MAP1LC3B2: variants seen among roughly 807,000 people sequenced by gnomAD.
MAP1LC3B2 encodes the protein microtubule-associated protein 1 light chain 3 beta 2.
For missense variants in MAP1LC3B2, 155 were observed against 154.6 expected (o/e 1.00, Z -0.01); for synonymous variants, 62 against 57.8 (o/e 1.07, Z -0.33).
intron 1 of MAP1LC3B2, among the ~76,000 whole-genome samples, chr12:116,571,439 G>GGAGTAA (rs1869528390): frequency 6.9e-6 from 1 of 144,234 alleles, no homozygotes; most frequent in Non-Finnish European, 1.5e-5. Context: ...AGAATAGATG[G>GGAGTAA]GAGTAAGGGA....
At position 116,576,006 on chromosome 12, in the gene MAP1LC3B2, C is replaced by T. The variant is rs1869666443; in HGVS notation, c.64C>T (p.Leu22Phe). The T allele has an allele frequency of 1.2e-6, 2 of 1,614,200 alleles. No homozygotes were observed. The highest frequency in any genetic ancestry group is 8.5e-7 in the Non-Finnish European group (1 of 1,180,048). Residue 22 changes from leucine (L) to phenylalanine (F), a missense_variant, in exon 2 of 2, where the codon CTT becomes TTT. Leu to Phe is a conservative substitution (Grantham distance 22). Transcript: ENST00000556529. ...CGAACAAAGAGTAGAAGATGTCCGA[C>T]TTATTCGAGAGCAGCATCCAACCAA... ...TFEQRVEDVR[L>F]IREQHPTKIP...
At chr12:116,572,304 C>G (rs1048544625) in intron 1 of MAP1LC3B2, among the ~76,000 whole-genome samples, 23 of 151,798 alleles carry the variant, frequency 1.5e-4, no homozygotes, top group African/African-American at 5.3e-4. Flanking sequence ...TCCTGGTACA[C>G]TAACATTTTC....
chr12:116,562,056 T>C (rs8181674), intron 1 of MAP1LC3B2, among the ~76,000 whole-genome samples: 60,905 of 151,954 alleles, frequency 0.4, 13,860 homozygotes, highest in African/African-American at 0.59. Flanking sequence ...GATGGGAATG[T>C]GATCCAAAGT....
chr12:116,573,379 T>C (rs1225860462), intron 1 of MAP1LC3B2, among the ~76,000 whole-genome samples: 8 of 152,208 alleles, frequency 5.3e-5, no homozygotes, highest in Non-Finnish European at 1.0e-4. Flanking sequence ...CTTAGTTATA[T>C]TCTTAGCAAG....
intron 1 of MAP1LC3B2, among the ~76,000 whole-genome samples, chr12:116,574,514 C>T (rs1011186355): frequency 3.9e-4 from 59 of 152,094 alleles, no homozygotes; most frequent in South Asian, 2.1e-4. Context: ...GGTGTGGTGG[C>T]GTGCCCCTGT....
At chr12:116,560,203 T>TAC (rs1410831703) in intron 1 of MAP1LC3B2, 6 of 33,368 alleles carry the variant, frequency 1.8e-4, no homozygotes, top group South Asian at 2.5e-3. Context: ...TATATATATA[T>TAC]ATATATATAT....
At chr12:116,573,251 T>A (rs1437364501) in intron 1 of MAP1LC3B2, among the ~76,000 whole-genome samples, 1 of 152,136 alleles carries the variant, frequency 6.6e-6, no homozygotes, top group Non-Finnish European at 1.5e-5. Context: ...ACATAAAAAC[T>A]TGTTAGGAAA....
intron 1 of MAP1LC3B2, among the ~76,000 whole-genome samples, chr12:116,574,524 T>C (rs1436093516): frequency 6.6e-6 from 1 of 151,952 alleles, no homozygotes; most frequent in Non-Finnish European, 1.5e-5. Context: ...CGTGCCCCTG[T>C]GGCCCCAGCT....
intron 1 of MAP1LC3B2, among the ~76,000 whole-genome samples, chr12:116,571,965 C>A (rs201691131): frequency 1.8e-3 from 243 of 136,648 alleles, no homozygotes; most frequent in Admixed American, 1.6e-3. Flanking sequence ...ATGACCGTTA[C>A]AAAAAAAAAA....
At chr12:116,562,761 A>G (rs186854036) in intron 1 of MAP1LC3B2, among the ~76,000 whole-genome samples, 7 of 152,308 alleles carry the variant, frequency 4.6e-5, no homozygotes, top group Non-Finnish European at 7.4e-5. Context: ...GAAATACTAT[A>G]TAGCTCCTCG....
chr12:116,573,540 G>T (rs1356952615), intron 1 of MAP1LC3B2, among the ~76,000 whole-genome samples: 1 of 151,776 alleles, frequency 6.6e-6, no homozygotes. Flanking sequence ...ATTTTTTTGA[G>T]ACAGAGTCGC....
chr12:116,559,607 C>T (rs1869198543), intron 1 of MAP1LC3B2, among the ~76,000 whole-genome samples, 174 bp downstream of exon 1: 1 of 152,184 alleles, frequency 6.6e-6, no homozygotes, highest in Non-Finnish European at 1.5e-5. Context: ...CTGTGGGAAA[C>T]TTGTAAGACA....
At chr12:116,561,180 C>G (rs902726718) in intron 1 of MAP1LC3B2, among the ~76,000 whole-genome samples, 2 of 151,940 alleles carry the variant, frequency 1.3e-5, no homozygotes, top group African/African-American at 4.8e-5. Flanking sequence ...GAGGCTGAGA[C>G]AGGAGGATCT....
In MAP1LC3B2 at chr12:116,567,741, C is replaced by A. The variant is rs528795686; in HGVS notation, c.-101-8101C>A. On this transcript the variant is annotated intron_variant, in intron 1 of 1. Transcript: ENST00000556529. ...CCAGCCTGGGTGACAGAGTGAGACTCTGTCTAAAAAATAAAAATAAAAAAA... is the reference window on the plus strand; with the variant it reads ...CCAGCCTGGGTGACAGAGTGAGACTATGTCTAAAAAATAAAAATAAAAAAA... Among the ~76,000 whole-genome samples the A allele has an allele frequency of 4.0e-5, 6 of 151,546 alleles. No individual in the cohort carries two copies. The South Asian group carries it at 1.2e-3, about 32-fold the overall frequency.
chr12:116,566,910 C>T (rs1471874092), intron 1 of MAP1LC3B2, among the ~76,000 whole-genome samples: 2 of 101,048 alleles, frequency 2.0e-5, no homozygotes, highest in African/African-American at 7.7e-5. Context: ...CAGTCTGGGC[C>T]ACAGAGTGAG....
intron 1 of MAP1LC3B2, among the ~76,000 whole-genome samples, chr12:116,571,977 G>A (rs1592868866): frequency 1.5e-5 from 2 of 135,840 alleles, no homozygotes. Flanking sequence ...AAAAAAAAAA[G>A]GGTTAGGGAG....
chr12:116,563,037 C>T (rs1448396732), intron 1 of MAP1LC3B2, among the ~76,000 whole-genome samples: 2 of 152,182 alleles, frequency 1.3e-5, no homozygotes, highest in African/African-American at 4.8e-5. Context: ...TCTCGGCTTA[C>T]CACAACCCCT....
chr12:116,572,518 C>T (rs1451141131), intron 1 of MAP1LC3B2, among the ~76,000 whole-genome samples: 1 of 152,128 alleles, frequency 6.6e-6, no homozygotes, highest in African/African-American at 2.4e-5. Flanking sequence ...GCTTCCGCCA[C>T]TACACCCGGC....
At chr12:116,570,548 TC>T (rs1362118319) in intron 1 of MAP1LC3B2, among the ~76,000 whole-genome samples, 2 of 152,156 alleles carry the variant, frequency 1.3e-5, no homozygotes, top group African/African-American at 4.8e-5. Flanking sequence ...GGGGGCAGTT[TC>T]CCCCATACTG....
Sources: gnomAD v4.1 joint callset for allele counts (sites outside exome capture counted in the v4.1 genomes callset) on GRCh38, gnomAD v4.1.1 for gene constraint, MANE v1.5 for transcripts, NCBI Gene and HGNC (gene_info 2026-07-23, HGNC 2026-07-21) for gene names.